The following TRPC4 variants were observed in gnomAD, a reference collection of about 807,000 sequenced individuals.
The protein encoded by TRPC4 is transient receptor potential cation channel subfamily C member 4, also known as short transient receptor potential channel 4.
TRPC4 carries 49 observed loss-of-function variants against 99.4 expected under a neutral mutation model. That is an observed-to-expected ratio of 0.49 (90% CI 0.39 to 0.63). TRPC4 has a LOEUF of 0.63. TRPC4 is among the 20% of genes least tolerant of loss of function. The pLI, the probability that TRPC4 is intolerant of heterozygous loss-of-function variation, is 0.00. For synonymous variants in TRPC4, 454 were observed against 425.9 expected, an observed-to-expected ratio of 1.07 and a Z score of -0.81; for missense variants, 898 against 1,152.9, an observed-to-expected ratio of 0.78 and a Z score of 3.20.
intron 2 of TRPC4, among the ~76,000 whole-genome samples, chr13:37,769,627 G>A (rs1956492586): frequency 6.6e-6 from 1 of 151,256 alleles, no homozygotes; most frequent in Non-Finnish European, 1.5e-5. Context: ...TTTAGCTCAG[G>A]GTCATGCTTC....
intron 4 of TRPC4, among the ~76,000 whole-genome samples, chr13:37,691,399 C>T (rs893321813): frequency 8.5e-5 from 13 of 152,132 alleles, no homozygotes; most frequent in African/African-American, 2.7e-4. Flanking sequence ...CCACTGCACC[C>T]GGCGGGAAAA....
At chr13:37,848,508 T>A (rs1277721009) in intron 1 of TRPC4, among the ~76,000 whole-genome samples, 1 of 152,106 alleles carries the variant, frequency 6.6e-6, no homozygotes, top group Non-Finnish European at 1.5e-5. Context: ...TTTTTGATGC[T>A]TGTAAGAGCA....
At chr13:37,822,227 T>C (rs944294755) in intron 1 of TRPC4, among the ~76,000 whole-genome samples, 1 of 151,826 alleles carries the variant, frequency 6.6e-6, no homozygotes, top group African/African-American at 2.4e-5. Context: ...ATTAGAGAAA[T>C]GCAAATCAAA....
chr13:37,863,834 A>T (rs1959559354), intron 1 of TRPC4, among the ~76,000 whole-genome samples: 1 of 151,638 alleles, frequency 6.6e-6, no homozygotes, highest in South Asian at 2.1e-4. Flanking sequence ...GCAGCTGATG[A>T]CAGACCAATT....
intron 1 of TRPC4, among the ~76,000 whole-genome samples, chr13:37,826,116 C>T (rs1958197549): frequency 1.6e-5 from 2 of 126,920 alleles, no homozygotes; most frequent in African/African-American, 3.1e-5. Context: ...TTTTGTTTTC[C>T]GTTTGCTTGG....
rs34686635 is a variant in TRPC4 at position 37,868,634 on chromosome 13, AT to A, written c.-28+960del. 1.9e-3 allele frequency among the ~76,000 whole-genome samples: 289 copies of A among 149,536 alleles called. 1 individual carries two copies. Among genetic ancestry groups the A allele is most frequent in the East Asian group, 0.017 (86 of 5,076 alleles). On this transcript the variant is annotated intron_variant, in intron 1 of 10. Transcript: ENST00000379705. ...CTGAAAAAGTTTTACAAGTCTGTCT[AT>A]TTTTTTTTTTAATAAAACAACTAAA...
intron 1 of TRPC4, among the ~76,000 whole-genome samples, chr13:37,814,222 A>G (rs766780057): frequency 6.6e-6 from 1 of 151,816 alleles, no homozygotes; most frequent in African/African-American, 2.4e-5. Context: ...CTAAAATCAT[A>G]CTTACTGGAA....
At chr13:37,731,742 T>G (rs1424501690) in intron 3 of TRPC4, among the ~76,000 whole-genome samples, 1 of 152,146 alleles carries the variant, frequency 6.6e-6, no homozygotes, top group African/African-American at 2.4e-5. Context: ...CAAATATTCC[T>G]TTCATTAAAA....
chr13:37,732,678 T>A (rs115493533), intron 3 of TRPC4, among the ~76,000 whole-genome samples: 1 of 152,022 alleles, frequency 6.6e-6, no homozygotes, highest in Non-Finnish European at 1.5e-5. Context: ...CTGATAACAA[T>A]CTAGCTGAGA....
intron 3 of TRPC4, among the ~76,000 whole-genome samples, chr13:37,693,863 G>A (rs1953816895): frequency 1.3e-5 from 2 of 152,100 alleles, no homozygotes; most frequent in Admixed American, 1.3e-4. Context: ...GATAAAACCA[G>A]ATAAAATAGT....
chr13:37,716,650 A>G (rs1954677816), intron 3 of TRPC4, among the ~76,000 whole-genome samples: 1 of 152,162 alleles, frequency 6.6e-6, no homozygotes, highest in Non-Finnish European at 1.5e-5. Context: ...AAAAGACATT[A>G]CTGCTAAAAT....
chr13:37,824,664 A>G lies in TRPC4; in HGVS notation c.-27-41304T>C, dbSNP rs546895496. 3.3e-5 allele frequency among the ~76,000 whole-genome samples: 5 copies of G among 152,074 alleles called. No individual in the cohort carries two copies. In the East Asian group the frequency reaches 9.6e-4, roughly 29 times the overall value. On this transcript the variant is annotated intron_variant, in intron 1 of 10. Coordinates refer to ENST00000379705, the MANE Select transcript of TRPC4 (RefSeq NM_016179.4). The stretch of plus-strand genomic sequence containing the variant: ...GATAAGCTTTTTGATGTGCTGCTGG[A>G]TTCGGTTTGCCATTATTTTATTGAG...
rs578084153 is a variant in TRPC4, at chr13:37,654,711, G to A, written c.1884+377C>T. The stretch of plus-strand genomic sequence containing the variant: ...TGGGTTATCTTTTGTATCTTCCCCT[G>A]TAGGGATGACTTCGCTTATATGAGA... On this transcript the variant is annotated intron_variant, in intron 7 of 10. Coordinates refer to ENST00000379705, the MANE Select transcript of TRPC4 (RefSeq NM_016179.4). Among the ~76,000 whole-genome samples, 24 of 152,182 alleles carry A rather than the reference G, an allele frequency of 1.6e-4. No individual in the cohort carries two copies. The South Asian group carries it at 4.8e-3, about 30-fold the overall frequency.
intron 1 of TRPC4, among the ~76,000 whole-genome samples, chr13:37,812,754 T>C (rs968227705): frequency 2.6e-5 from 4 of 152,008 alleles, no homozygotes; most frequent in South Asian, 2.1e-4. Context: ...AACTAACAAA[T>C]ACAAGAAGTT....
At chr13:37,660,800 T>C (rs9566251) in intron 6 of TRPC4, among the ~76,000 whole-genome samples, 56,648 of 151,908 alleles carry the variant, frequency 0.37, 11,016 homozygotes, top group African/African-American at 0.44. Context: ...ATTTATGAAA[T>C]GTACAGAATT....
chr13:37,817,818 T>A (rs1296961585), intron 1 of TRPC4, among the ~76,000 whole-genome samples: 3 of 151,886 alleles, frequency 2.0e-5, no homozygotes, highest in African/African-American at 7.2e-5. Context: ...GGCACTAGGA[T>A]AATAGGCTAG....
chr13:37,832,189 T>C (rs1478534472), intron 1 of TRPC4, among the ~76,000 whole-genome samples: 1 of 152,138 alleles, frequency 6.6e-6, no homozygotes, highest in East Asian at 1.9e-4. Flanking sequence ...AGTAAAATAA[T>C]TTTTTAAATG....
At chr13:37,722,115 A>G (rs1490584986) in intron 3 of TRPC4, among the ~76,000 whole-genome samples, 3 of 152,134 alleles carry the variant, frequency 2.0e-5, no homozygotes, top group African/African-American at 7.2e-5. Context: ...CAGGTAAGGA[A>G]CTAGAGACTG....
chr13:37,739,648 G>A (rs1955521825), intron 3 of TRPC4, among the ~76,000 whole-genome samples: 1 of 151,518 alleles, frequency 6.6e-6, no homozygotes, highest in Non-Finnish European at 1.5e-5. Context: ...TGGGATTACA[G>A]GCACCCACCA....
Sources: allele counts gnomAD v4.1 joint callset (sites outside exome capture counted in the v4.1 genomes callset), GRCh38; gene constraint gnomAD v4.1.1; transcripts MANE v1.5; gene names NCBI Gene and HGNC (gene_info 2026-07-23, HGNC 2026-07-21).